The following ASXL2 variants were observed in gnomAD, a reference collection of about 807,000 sequenced individuals.
ASXL2 encodes ASXL transcriptional regulator 2.
In ASXL2, 23 loss-of-function variants were observed where a neutral mutation model predicts 122.0. The observed-to-expected ratio is 0.19, with a 90% CI of 0.14 to 0.27. The LOEUF is 0.27. ASXL2 is among the 10% of genes least tolerant of loss of function. The probability of loss-of-function intolerance (pLI) is 1.00; values close to 1 mark genes in which losing one functional copy is unlikely to be tolerated. For missense variants in ASXL2, 1,518 were observed against 1,713.8 expected (o/e 0.89, Z 2.02); for synonymous variants, 650 against 637.0 (o/e 1.02, Z -0.31).
At position 25,749,768 on chromosome 2, in the gene ASXL2, T is replaced by C; in HGVS notation, c.1788A>G (p.Pro596=). The change falls in exon 12 of 13, where the codon CCA becomes CCG. Residue 596 remains proline (P), a synonymous_variant. Coordinates refer to ENST00000435504, the MANE Select transcript of ASXL2 (RefSeq NM_018263.6). ...GAAAGGGCTGTGGTGAGACCTGAAA[T>C]GGCTGCTGGTGCTGGCGATTCTCAG... is the stretch of plus-strand genomic sequence containing the variant. ...RVTENRQHQQ[P]FQVSPQPFLN... 6.3e-7 allele frequency: 1 copy of C among 1,594,840 alleles called. No homozygotes were observed. Among genetic ancestry groups the C allele is most frequent in the Non-Finnish European group, 8.5e-7 (1 of 1,173,832 alleles).
At position 25,756,055 on chromosome 2, in the gene ASXL2, A is replaced by C. The variant is rs762560777; in HGVS notation, c.999T>G (p.Thr333=). 6.2e-7 allele frequency: 1 copy of C among 1,613,380 alleles called. No homozygotes were observed. The highest frequency in any genetic ancestry group is 1.1e-5 in the South Asian group (1 of 91,010). Residue 333 remains threonine, a synonymous_variant, in exon 10 of 13, where the codon ACT becomes ACG. Coordinates refer to ENST00000435504, the MANE Select transcript of ASXL2 (RefSeq NM_018263.6). ...NGSALNNEFF[T]SAAQGWKERL... ...TTTCCTTCCAGCCTTGGGCTGCTGAAGTGAAGAATTCATTGTTAAGGGCTG... is the reference window on the plus strand; with the variant it reads ...TTTCCTTCCAGCCTTGGGCTGCTGACGTGAAGAATTCATTGTTAAGGGCTG...
At chr2:25,831,577 C>A (rs755451828) in intron 3 of ASXL2, among the ~76,000 whole-genome samples, 1 of 151,962 alleles carries the variant, frequency 6.6e-6, no homozygotes, top group South Asian at 2.1e-4. Context: ...TTGCTTGAGC[C>A]CAGGAGGCTG....
At position 25,869,706 on chromosome 2, in the gene ASXL2, C is replaced by T. The variant is rs558785124; in HGVS notation, c.57+8460G>A. Among the ~76,000 whole-genome samples, 22 of 151,986 alleles carry T rather than the reference C, an allele frequency of 1.4e-4. No homozygotes were observed. The South Asian group carries it at 1.9e-3, about 13-fold the overall frequency. ...GTGGCGTGCGCCTGTAGTGCAGCTA[C>T]TCGGGAGGCTGAGGCAGGAGAATCG... On this transcript the variant is annotated intron_variant, in intron 1 of 12. Transcript: ENST00000435504.
At chr2:25,798,196 G>T (rs935068514) in intron 5 of ASXL2, among the ~76,000 whole-genome samples, 1 of 152,124 alleles carries the variant, frequency 6.6e-6, no homozygotes, top group African/African-American at 2.4e-5. Flanking sequence ...AGGAGGGAGA[G>T]AATCAGGAAA....
chr2:25,793,750 G>A (rs2088871037), intron 5 of ASXL2, among the ~76,000 whole-genome samples: 1 of 152,112 alleles, frequency 6.6e-6, no homozygotes, highest in Non-Finnish European at 1.5e-5. Context: ...ATCCTTTTTA[G>A]TTCTAAGTCC....
chr2:25,819,149 A>G (rs1280578824), intron 3 of ASXL2, among the ~76,000 whole-genome samples: 4 of 152,166 alleles, frequency 2.6e-5, no homozygotes, highest in Non-Finnish European at 5.9e-5. Flanking sequence ...TCATTCCCCA[A>G]TCAAGTCTTC....
chr2:25,806,207 G>A, intron 4 of ASXL2, 22 bp downstream of exon 4: 1 of 1,487,752 alleles, frequency 6.7e-7, no homozygotes, highest in Non-Finnish European at 9.3e-7. Flanking sequence ...CTTTCTAAAT[G>A]ACTCCCCAAC....
chr2:25,805,922 C>T (rs1010842961), intron 4 of ASXL2, among the ~76,000 whole-genome samples: 1 of 152,126 alleles, frequency 6.6e-6, no homozygotes, highest in African/African-American at 2.4e-5. Context: ...GGCAATTTGC[C>T]CACCTCGGCC....
In ASXL2 at chr2:25,743,570, C is replaced by G; in HGVS notation, c.2767G>C (p.Ala923Pro). The change falls in exon 13 of 13, where the codon GCT (alanine) becomes CCT (proline). Residue 923 changes from alanine (A) to proline (P), a missense_variant. Around this residue, in one of 8 missense-constraint regions of ASXL2, gnomAD observed 831 missense variants for 833.1 expected, o/e 1.00. Transcript: ENST00000435504. ...GTTCCTGGGGTTTTAAGGCTAGAAG[C>G]TGCTGGCAAAGTGCTCGAGGGTGGA... The part of the protein sequence containing the change: ...SAPPSSTLPA[A>P]SSLKTPGTSL... 2.5e-6 allele frequency: 4 copies of G among 1,613,986 alleles called. No homozygotes were observed. The highest frequency in any genetic ancestry group is 3.4e-6 in the Non-Finnish European group (4 of 1,179,896).
At chr2:25,808,166 G>A (rs1444013517) in intron 3 of ASXL2, among the ~76,000 whole-genome samples, 1 of 152,082 alleles carries the variant, frequency 6.6e-6, no homozygotes, top group Non-Finnish European at 1.5e-5. Context: ...CCCTTGTGTG[G>A]TATTAGGAAG....
chr2:25,807,986 T>TAAACACACACACAC (rs368346154), intron 3 of ASXL2, among the ~76,000 whole-genome samples: 1 of 131,728 alleles, frequency 7.6e-6, no homozygotes, highest in African/African-American at 2.9e-5. Flanking sequence ...AATCAGCTTT[T>TAAACACACACACAC]ACACACACAC....
intron 3 of ASXL2, among the ~76,000 whole-genome samples, chr2:25,832,136 A>T (rs2089461374): frequency 6.6e-6 from 1 of 152,218 alleles, no homozygotes; most frequent in Non-Finnish European, 1.5e-5. Flanking sequence ...AAAAACAGAA[A>T]GAACAGGAAT....
intron 8 of ASXL2, among the ~76,000 whole-genome samples, chr2:25,762,314 A>C (rs2088267750): frequency 3.1e-5 from 1 of 32,678 alleles, no homozygotes; most frequent in Admixed American, 2.3e-4. Flanking sequence ...TGAACACACC[A>C]AAAAAAAAAA....
In ASXL2 at chr2:25,856,445, T is replaced by C. The variant is rs1191282517; in HGVS notation, c.58-10882A>G. ...GACCTGGGTCTGTCCAGTGGAGTCC[T>C]GGAGTCTCCAGCTTCTCACTTGGCC... On this transcript the variant is annotated intron_variant, in intron 1 of 12. Transcript: ENST00000435504. The C allele has an allele frequency of 3.3e-6, 3 of 900,870 alleles. No individual in the cohort carries two copies. In the Admixed American group the frequency reaches 5.4e-5, roughly 16 times the overall value. The allele number at this position is 900,870 out of a possible 1,614,324, so 55.8% of individuals were successfully genotyped here.
At chr2:25,768,962 G>C in intron 6 of ASXL2, 94 bp from the exon 7 acceptor site, 4 of 1,367,032 alleles carry the variant, frequency 2.9e-6, no homozygotes, top group Non-Finnish European at 3.9e-6. Context: ...GAAGCATGCT[G>C]ATCGTTCAAT....
chr2:25,846,519 G>A (rs2149193759), intron 1 of ASXL2, among the ~76,000 whole-genome samples: 1 of 152,208 alleles, frequency 6.6e-6, no homozygotes, highest in East Asian at 1.9e-4. Flanking sequence ...GTGGTGGTGA[G>A]TGCCTGTAAT....
intron 2 of ASXL2, among the ~76,000 whole-genome samples, chr2:25,844,605 CA>C (rs1032947884): frequency 2.7e-5 from 4 of 148,252 alleles, no homozygotes; most frequent in East Asian, 2.0e-4. Context: ...AAAAACAAAA[CA>C]AAAAAAAACA....
At chr2:25,750,890 G>C (rs1034242540) in intron 11 of ASXL2, among the ~76,000 whole-genome samples, 1 of 152,106 alleles carries the variant, frequency 6.6e-6, no homozygotes, top group Admixed American at 6.5e-5. Context: ...ACTCTTCTCT[G>C]CAATATCTGT....
chr2:25,790,120 C>T (rs2088808645), intron 5 of ASXL2, among the ~76,000 whole-genome samples: 1 of 152,010 alleles, frequency 6.6e-6, no homozygotes, highest in South Asian at 2.1e-4. Flanking sequence ...TAAACTATTG[C>T]TGTTCAAATG....
Sources: gnomAD v4.1 joint callset for allele counts (sites outside exome capture counted in the v4.1 genomes callset) on GRCh38, gnomAD v4.1.1 for gene constraint, gnomAD v4.1.1 regional missense constraint, MANE v1.5 for transcripts, NCBI Gene and HGNC (gene_info 2026-07-23, HGNC 2026-07-21) for gene names.